DMD: variants seen among roughly 807,000 people sequenced by gnomAD.
The protein encoded by DMD is dystrophin.
Under a neutral mutation model 330.1 loss-of-function variants are expected in DMD, and 63 were observed. That is an observed-to-expected ratio of 0.19 (90% CI 0.16 to 0.24). The LOEUF is 0.24. Ranked by LOEUF, DMD falls within the 10% of genes least tolerant of loss-of-function variation. The pLI is 1.00. For synonymous variants in DMD, 1,223 were observed against 959.8 expected, an observed-to-expected ratio of 1.27 and a Z score of -5.07; for missense variants, 3,344 against 2,684.1, an observed-to-expected ratio of 1.25 and a Z score of -5.43.
In DMD at chrX:31,967,300, GT is replaced by G. The variant is rs2095359204; in HGVS notation, c.6614+1038del. ...TAATTCTTTAACTTTGGCAAGGGGTGTGTGTGTGTGTGTGTGTGTGTGTGTG... is the reference window on the plus strand; with the variant it reads ...TAATTCTTTAACTTTGGCAAGGGGTGGTGTGTGTGTGTGTGTGTGTGTGTG... On this transcript the variant is annotated intron_variant, in intron 45 of 78. Transcript: ENST00000357033. 2.3e-3 allele frequency among the ~76,000 whole-genome samples: 22 copies of G among 9,452 alleles called. No homozygotes were observed. The South Asian group carries it at 0.032, about 14-fold the overall frequency. 8.2% of individuals were successfully genotyped at this position (9,452 alleles called of 115,157 possible). A position where few individuals can be genotyped will look rare whatever the true frequency, so the allele number is the denominator to read the frequency against.
chrX:32,809,638 C>T, intron 6 of DMD, 27 bp from the exon 7 acceptor site: 2 of 1,114,890 alleles, frequency 1.8e-6, no homozygotes, highest in South Asian at 1.8e-5. Context: ...TACACACATA[C>T]ACAAAGACAA....
chrX:31,417,678 T>C (rs995785195), intron 60 of DMD, among the ~76,000 whole-genome samples: 2 of 110,055 alleles, frequency 1.8e-5, no homozygotes, highest in African/African-American at 6.6e-5. Context: ...ATACAGCAAA[T>C]ATATTATCAC....
chrX:32,762,157 A>G (rs774672064), intron 7 of DMD, among the ~76,000 whole-genome samples: 11 of 103,785 alleles, frequency 1.1e-4, no homozygotes, highest in Non-Finnish European at 1.6e-4. Context: ...TCTCAAAAAA[A>G]GAAAAAAAAA....
chrX:31,292,496 T>G, intron 62 of DMD, among the ~76,000 whole-genome samples: 1 of 112,203 alleles, frequency 8.9e-6, no homozygotes, highest in Non-Finnish European at 1.9e-5. Context: ...ACTAGAACTT[T>G]CATATACTGC....
intron 2 of DMD, 21 bp from the exon 3 acceptor site, chrX:32,849,841 C>A (rs777480723): frequency 2.8e-6 from 3 of 1,059,380 alleles, no homozygotes; most frequent in Non-Finnish European, 4.0e-6. Context: ...AAAAAATACA[C>A]TCAATTTAAC....
intron 59 of DMD, among the ~76,000 whole-genome samples, chrX:31,465,303 C>T (rs759261912): frequency 4.3e-4 from 48 of 110,448 alleles, no homozygotes; most frequent in African/African-American, 1.4e-3. Context: ...TTTGCTGCAC[C>T]CATCAACCTG....
chrX:32,265,205 G>A (rs996901086), intron 43 of DMD, among the ~76,000 whole-genome samples: 4 of 111,817 alleles, frequency 3.6e-5, no homozygotes, highest in East Asian at 2.9e-4. Flanking sequence ...TAGGGACTAG[G>A]TGCCCTGCAT....
intron 1 of DMD, among the ~76,000 whole-genome samples, chrX:33,166,523 T>C (rs911551488): frequency 9.0e-6 from 1 of 111,340 alleles, no homozygotes; most frequent in Non-Finnish European, 1.9e-5. Context: ...GTTATTTTGA[T>C]TTGTAAAGTT....
intron 63 of DMD, among the ~76,000 whole-genome samples, chrX:31,257,416 T>A (rs2050072041): frequency 9.1e-6 from 1 of 110,400 alleles, no homozygotes; most frequent in Non-Finnish European, 1.9e-5. Context: ...GCTTTCAAGA[T>A]ACCTTTCACC....
chrX:32,727,006 A>G (rs1159131909), intron 7 of DMD, among the ~76,000 whole-genome samples: 1 of 110,681 alleles, frequency 9.0e-6, no homozygotes, highest in Non-Finnish European at 1.9e-5. Flanking sequence ...GACCTTTTCA[A>G]ATGGTTAAAG....
At chrX:32,884,591 G>A (rs1460337808) in intron 2 of DMD, among the ~76,000 whole-genome samples, 3 of 111,747 alleles carry the variant, frequency 2.7e-5, no homozygotes, top group Admixed American at 1.9e-4. Flanking sequence ...AGATGTTGCT[G>A]GAATTGGAAC....
chrX:32,444,205 T>C (rs2098294173), intron 27 of DMD, among the ~76,000 whole-genome samples: 1 of 110,376 alleles, frequency 9.1e-6, no homozygotes, highest in African/African-American at 3.3e-5. Context: ...ATTGGAATAT[T>C]ATGATTTAGC....
At chrX:32,594,809 C>G (rs1012171644) in intron 13 of DMD, among the ~76,000 whole-genome samples, 3 of 111,910 alleles carry the variant, frequency 2.7e-5, no homozygotes, top group African/African-American at 9.7e-5. Context: ...TAAGAATCAT[C>G]TCTGTTTCAA....
At chrX:32,384,931 C>G (rs1157668333) in intron 33 of DMD, among the ~76,000 whole-genome samples, 1 of 111,024 alleles carries the variant, frequency 9.0e-6, no homozygotes, top group African/African-American at 3.3e-5. Flanking sequence ...GAAAGATATC[C>G]CATATTCATG....
rs777203021 is a variant in DMD, at chrX:33,127,808, TA to T, written c.31+83473del. Among the ~76,000 whole-genome samples, 513 of 111,533 alleles carry T rather than the reference TA, an allele frequency of 4.6e-3. 4 individuals carry two copies. The highest frequency in any genetic ancestry group is 0.028 in the Middle Eastern group (6 of 217). ...TATCGTTTATAGATTAAGGTCTGGA[TA>T]TTTTTTTCTTTTCTTCATACTAGAA... On this transcript the variant is annotated intron_variant, in intron 1 of 78. Coordinates refer to ENST00000357033, the MANE Select transcript of DMD (RefSeq NM_004006.3).
intron 1 of DMD, among the ~76,000 whole-genome samples, chrX:33,175,415 G>T (rs756390002): frequency 8.9e-6 from 1 of 112,356 alleles, no homozygotes; most frequent in East Asian, 2.8e-4. Context: ...GCCTATTTAC[G>T]TATATTATGC....
At chrX:32,045,239 G>A (rs1217123381) in intron 44 of DMD, among the ~76,000 whole-genome samples, 1 of 110,011 alleles carries the variant, frequency 9.1e-6, no homozygotes, top group Non-Finnish European at 1.9e-5. Flanking sequence ...ATAATGCCAA[G>A]TGTTGGACTT....
chrX:33,008,784 CTATATATACGTATATATACGTA>C (rs2093451862), intron 2 of DMD, among the ~76,000 whole-genome samples: 2 of 35,982 alleles, frequency 5.6e-5, no homozygotes, highest in Non-Finnish European at 1.1e-4. Flanking sequence ...CCTAAAACAA[CTATATATACGTATATATACGTA>C]TATATACACA....
intron 9 of DMD, among the ~76,000 whole-genome samples, chrX:32,654,387 T>C (rs2048794944): frequency 8.9e-6 from 1 of 112,025 alleles, no homozygotes; most frequent in African/African-American, 3.2e-5. Context: ...CAAAGGCCTT[T>C]TCTGCATCTA....
Sources: allele counts gnomAD v4.1 joint callset (sites outside exome capture counted in the v4.1 genomes callset), GRCh38; gene constraint gnomAD v4.1.1; transcripts MANE v1.5; gene names NCBI Gene and HGNC (gene_info 2026-07-23, HGNC 2026-07-21).